The following PTPRD variants were observed in gnomAD, a reference collection of about 807,000 sequenced individuals.
PTPRD encodes protein tyrosine phosphatase receptor type D.
In PTPRD, 34 loss-of-function variants were observed where a neutral mutation model predicts 214.5. The observed-to-expected ratio is 0.16, with a 90% CI of 0.12 to 0.21. The LOEUF (loss-of-function observed/expected upper bound fraction) is 0.21. Ranked by LOEUF, PTPRD falls within the 10% of genes least tolerant of loss-of-function variation. PTPRD has a pLI of 1.00. For missense variants in PTPRD, 2,545 were observed against 2,398.7 expected (o/e 1.06, Z -1.27); for synonymous variants, 1,128 against 845.7 (o/e 1.33, Z -5.79).
At chr9:8,818,726 T>C (rs948243680) in intron 11 of PTPRD, among the ~76,000 whole-genome samples, 2 of 152,230 alleles carry the variant, frequency 1.3e-5, no homozygotes, top group Admixed American at 1.3e-4. Context: ...CTTACGCACA[T>C]ATTTAATTGT....
chr9:9,026,191 CAAGG>C (rs2099586551), intron 10 of PTPRD, among the ~76,000 whole-genome samples: 1 of 151,828 alleles, frequency 6.6e-6, no homozygotes, highest in Non-Finnish European at 1.5e-5. Context: ...AGCCATGCCA[CAAGG>C]AAGGGGTAAA....
intron 3 of PTPRD, among the ~76,000 whole-genome samples, chr9:10,157,571 T>G (rs566590473): frequency 5.3e-5 from 8 of 152,288 alleles, no homozygotes; most frequent in Admixed American, 2.0e-4. Flanking sequence ...ACATTTTTTT[T>G]CCTTTCATTT....
chr9:10,473,242 T>C (rs1432496263), intron 2 of PTPRD, among the ~76,000 whole-genome samples: 3 of 152,050 alleles, frequency 2.0e-5, no homozygotes, highest in Non-Finnish European at 1.5e-5. Flanking sequence ...ATGGTTATCA[T>C]GGAGAGGTAG....
intron 2 of PTPRD, among the ~76,000 whole-genome samples, chr9:10,429,956 G>C (rs140803882): frequency 6.6e-6 from 1 of 151,988 alleles, no homozygotes; most frequent in Non-Finnish European, 1.5e-5. Flanking sequence ...TTTAAACCAA[G>C]ATGACCCTAT....
intron 11 of PTPRD, among the ~76,000 whole-genome samples, chr9:8,938,400 G>A (rs1393978284): frequency 6.6e-6 from 1 of 152,114 alleles, no homozygotes; most frequent in African/African-American, 2.4e-5. Context: ...TGTAAGAGAT[G>A]TGACATATAA....
intron 10 of PTPRD, among the ~76,000 whole-genome samples, chr9:9,168,896 A>AT (rs944745234): frequency 3.2e-4 from 49 of 151,128 alleles, no homozygotes; most frequent in African/African-American, 9.2e-4. Context: ...TTATTTATAT[A>AT]TTTTTTTTGT....
At chr9:8,362,609 T>C (rs2078788722) in intron 39 of PTPRD, among the ~76,000 whole-genome samples, 1 of 152,216 alleles carries the variant, frequency 6.6e-6, no homozygotes, top group Non-Finnish European at 1.5e-5. Flanking sequence ...TGACCACCTA[T>C]AAACCAAAAT....
intron 10 of PTPRD, among the ~76,000 whole-genome samples, chr9:9,110,036 A>C (rs1413360374): frequency 6.6e-6 from 1 of 152,126 alleles, no homozygotes; most frequent in Non-Finnish European, 1.5e-5. Context: ...TACAGAAGTC[A>C]AGGCTTAGAT....
chr9:8,625,799 A>G (rs1245235987), intron 14 of PTPRD, among the ~76,000 whole-genome samples: 1 of 151,752 alleles, frequency 6.6e-6, no homozygotes, highest in Middle Eastern at 3.2e-3. Context: ...ATTAAAACAC[A>G]GCTCATTTTG....
chr9:9,976,537 C>T (rs2095358338), intron 4 of PTPRD, among the ~76,000 whole-genome samples: 1 of 151,146 alleles, frequency 6.6e-6, no homozygotes, highest in Admixed American at 6.6e-5. Context: ...CAGGTATGTG[C>T]CACCACACCT....
At chr9:9,811,875 G>C (rs2047254224) in intron 5 of PTPRD, among the ~76,000 whole-genome samples, 1 of 152,108 alleles carries the variant, frequency 6.6e-6, no homozygotes, top group African/African-American at 2.4e-5. Context: ...GTCCTATTGT[G>C]GATAAAATTC....
At chr9:9,931,913 C>T (rs1019046116) in intron 5 of PTPRD, among the ~76,000 whole-genome samples, 1 of 151,438 alleles carries the variant, frequency 6.6e-6, no homozygotes, top group Non-Finnish European at 1.5e-5. Flanking sequence ...AAGTGGGTCC[C>T]TGACCCCTGA....
intron 11 of PTPRD, among the ~76,000 whole-genome samples, chr9:8,971,577 G>T (rs1199060451): frequency 6.6e-6 from 1 of 151,598 alleles, no homozygotes; most frequent in Non-Finnish European, 1.5e-5. Flanking sequence ...AAAGTTCAAT[G>T]AACATGATCT....
intron 9 of PTPRD, among the ~76,000 whole-genome samples, chr9:9,387,522 A>G (rs1889100): frequency 0.22 from 33,202 of 152,070 alleles, 3,705 homozygotes; most frequent in Middle Eastern, 0.32. Flanking sequence ...GGTTTCACTG[A>G]ATATAGGATT....
chr9:9,389,921 A>T (rs2065208155), intron 9 of PTPRD, among the ~76,000 whole-genome samples: 2 of 152,160 alleles, frequency 1.3e-5, no homozygotes, highest in Admixed American at 1.3e-4. Context: ...CTGGACAAAT[A>T]AATAGATTTA....
At chr9:10,443,646 T>G (rs903385467) in intron 2 of PTPRD, among the ~76,000 whole-genome samples, 7 of 151,638 alleles carry the variant, frequency 4.6e-5, no homozygotes, top group African/African-American at 1.7e-4. Flanking sequence ...CAGATAGACA[T>G]TCTCATATCA....
In PTPRD at chr9:10,415,347, G is replaced by T. The variant is rs145074624; in HGVS notation, c.-599-74330C>A. 3.4e-3 allele frequency among the ~76,000 whole-genome samples: 513 copies of T among 151,634 alleles called. 2 individuals carry two copies. The highest frequency in any genetic ancestry group is 6.5e-3 in the Non-Finnish European group (438 of 67,796). On this transcript the variant is annotated intron_variant, in intron 2 of 45. Transcript: ENST00000381196. ...ATATGTACAAACATACAATATTTCT[G>T]GTAAAATTTTTGGTAATGTCCTATT...
intron 4 of PTPRD, among the ~76,000 whole-genome samples, chr9:9,979,387 G>T (rs1311055983): frequency 1.3e-5 from 2 of 151,914 alleles, no homozygotes; most frequent in Non-Finnish European, 2.9e-5. Flanking sequence ...AGTTAAGTGT[G>T]TATCTTCTGG....
intron 2 of PTPRD, among the ~76,000 whole-genome samples, chr9:10,540,122 C>A (rs916639423): frequency 6.6e-6 from 1 of 152,082 alleles, no homozygotes; most frequent in Non-Finnish European, 1.5e-5. Flanking sequence ...CTCCTCCTCC[C>A]AGGTTCAACC....
Sources: allele counts gnomAD v4.1 joint callset (sites outside exome capture counted in the v4.1 genomes callset), GRCh38; gene constraint gnomAD v4.1.1; transcripts MANE v1.5; gene names NCBI Gene and HGNC (gene_info 2026-07-23, HGNC 2026-07-21).